The following SEC14L1 variants were observed in gnomAD, a reference collection of about 807,000 sequenced individuals.
The protein encoded by SEC14L1 is SEC14 like lipid binding 1.
In SEC14L1, 48 loss-of-function variants were observed where a neutral mutation model predicts 85.3. The ratio of observed to expected loss-of-function variants is 0.56; its 90% CI spans 0.45 to 0.72. The LOEUF is 0.72. Ranked by LOEUF, SEC14L1 falls within the 30% of genes least tolerant of loss-of-function variation. The probability of loss-of-function intolerance (pLI) is 0.00; values close to 1 mark genes in which losing one functional copy is unlikely to be tolerated. For synonymous variants in SEC14L1, 391 were observed against 355.5 expected (o/e 1.10, Z -1.12); for missense variants, 682 against 921.4 (o/e 0.74, Z 3.36).
chr17:77,207,779 G>A (rs1247203614), intron 13 of SEC14L1, among the ~76,000 whole-genome samples: 2 of 152,170 alleles, frequency 1.3e-5, no homozygotes, highest in Admixed American at 6.5e-5. Context: ...GTAAAAAAAC[G>A]AAGGGAAGTG....
At chr17:77,198,105 C>T (rs1442183075) in intron 8 of SEC14L1, among the ~76,000 whole-genome samples, 1 of 152,098 alleles carries the variant, frequency 6.6e-6, no homozygotes, top group Admixed American at 6.5e-5. Flanking sequence ...CACTAAAATG[C>T]CTTTTAATAA....
chr17:77,128,468 T>A (rs1039749443), intron 3 of SEC14L1, among the ~76,000 whole-genome samples: 1 of 143,662 alleles, frequency 7.0e-6, no homozygotes, highest in African/African-American at 2.6e-5. Context: ...ATGTTTTTTT[T>A]TTTTTTCTGA....
intron 3 of SEC14L1, among the ~76,000 whole-genome samples, chr17:77,161,989 A>T (rs1419797093): frequency 1.4e-5 from 2 of 148,034 alleles, no homozygotes; most frequent in South Asian, 4.2e-4. Context: ...AATAGATCGC[A>T]GTGAGGGAGG....
At chr17:77,130,575 G>A (rs1025288041) in intron 3 of SEC14L1, among the ~76,000 whole-genome samples, 25 of 151,774 alleles carry the variant, frequency 1.6e-4, no homozygotes, top group African/African-American at 6.1e-4. Flanking sequence ...CACCTGCCTC[G>A]ACCTCCCAAA....
chr17:77,203,335 C>A (rs1369588494), intron 9 of SEC14L1, among the ~76,000 whole-genome samples: 1 of 152,142 alleles, frequency 6.6e-6, no homozygotes, highest in African/African-American at 2.4e-5. Context: ...TTTCCAGGAC[C>A]CTGCACAGCT....
intron 3 of SEC14L1, among the ~76,000 whole-genome samples, chr17:77,159,579 C>G (rs1973966847): frequency 6.6e-6 from 1 of 151,754 alleles, no homozygotes; most frequent in African/African-American, 2.4e-5. Flanking sequence ...TGGGGTTTCA[C>G]CATATTGGCC....
At chr17:77,184,178 C>CA (rs1975167703) in intron 3 of SEC14L1, among the ~76,000 whole-genome samples, 1 of 152,202 alleles carries the variant, frequency 6.6e-6, no homozygotes, top group Non-Finnish European at 1.5e-5. Context: ...TGCATCACGC[C>CA]AGGCTCTGTG....
At chr17:77,204,669 C>T (rs1394283611) in intron 10 of SEC14L1, among the ~76,000 whole-genome samples, 1 of 151,922 alleles carries the variant, frequency 6.6e-6, no homozygotes, top group East Asian at 1.9e-4. Context: ...CCTCCCACCT[C>T]GGCCTCCTGA....
In SEC14L1 at chr17:77,181,356, G is replaced by T. The variant is rs113373869; in HGVS notation, c.64-9447G>T. 3.5e-3 allele frequency among the ~76,000 whole-genome samples: 534 copies of T among 152,318 alleles called. 1 individual carries two copies. Among genetic ancestry groups the T allele is most frequent in the African/African-American group, 0.012 (497 of 41,558 alleles). ...GATTTCTTTTTGTTAATACAGTCCAGTTGGTATTAATCACCTTCTTTCTCA... is the reference window on the plus strand; with the variant it reads ...GATTTCTTTTTGTTAATACAGTCCATTTGGTATTAATCACCTTCTTTCTCA... On this transcript the variant is annotated intron_variant, in intron 3 of 16. Coordinates refer to ENST00000436233, the MANE Select transcript of SEC14L1 (RefSeq NM_001143998.2).
At chr17:77,131,178 C>T (rs573016218) in intron 3 of SEC14L1, among the ~76,000 whole-genome samples, 5 of 152,272 alleles carry the variant, frequency 3.3e-5, no homozygotes, top group South Asian at 2.1e-4. Context: ...TACATTGGGC[C>T]GTTGTGGAAC....
At chr17:77,154,038 A>G (rs962671777) in intron 3 of SEC14L1, among the ~76,000 whole-genome samples, 1 of 152,228 alleles carries the variant, frequency 6.6e-6, no homozygotes, top group Admixed American at 6.5e-5. Context: ...GATACAACCA[A>G]CCGTGGATCA....
In SEC14L1 at chr17:77,216,524, C is replaced by G. The variant is rs775439365; in HGVS notation, c.*2501C>G. ...AGGGCCTGAAGGTGGTCCCTGCTTT[C>G]TCTTTCTCTTTCTCTGTGTCTCAGA... On this transcript the variant is annotated 3_prime_UTR_variant, in exon 17 of 17. Transcript: ENST00000436233. 1.2e-6 allele frequency: 2 copies of G among 1,612,768 alleles called. No homozygotes were observed. The highest frequency in any genetic ancestry group is 2.2e-5 in the South Asian group (2 of 91,058).
At chr17:77,095,871 C>T (rs1038661773) in intron 3 of SEC14L1, among the ~76,000 whole-genome samples, 2 of 152,016 alleles carry the variant, frequency 1.3e-5, no homozygotes, top group African/African-American at 4.8e-5. Flanking sequence ...CACTAATTCT[C>T]CTACACAGTA....
At chr17:77,191,502 G>A (rs969250856) in intron 5 of SEC14L1, among the ~76,000 whole-genome samples, 190 bp downstream of exon 5, 13 of 152,184 alleles carry the variant, frequency 8.5e-5, no homozygotes, top group South Asian at 4.1e-4. Context: ...TTATGTTGTC[G>A]TGGCAGTTAA....
rs997058015 is a variant in SEC14L1, at chr17:77,214,392, G to A, written c.*369G>A. On this transcript the variant is annotated 3_prime_UTR_variant, in exon 17 of 17. Coordinates refer to ENST00000436233, the MANE Select transcript of SEC14L1 (RefSeq NM_001143998.2). ...ATTGTCCATTAGTGAATGAATTCCT[G>A]TGACATCCTCCAGAGATGGCCCCTC... is the stretch of plus-strand genomic sequence containing the variant. 1.4e-5 allele frequency: 14 copies of A among 1,008,466 alleles called. No homozygotes were observed. The highest frequency in any genetic ancestry group is 1.7e-5 in the Non-Finnish European group (14 of 843,350). 62.5% of individuals were successfully genotyped at this position (1,008,466 alleles called of 1,614,324 possible). A position where few individuals can be genotyped will look rare whatever the true frequency, so the allele number is the denominator to read the frequency against.
At chr17:77,195,064 C>T (rs540160906) in intron 7 of SEC14L1, 153 bp downstream of exon 7, 26 of 607,074 alleles carry the variant, frequency 4.3e-5, no homozygotes, top group South Asian at 3.2e-4. Flanking sequence ...CTTGTCCTCT[C>T]GCTTATGTAA....
chr17:77,101,335 G>A (rs1479553403), intron 3 of SEC14L1, among the ~76,000 whole-genome samples: 1 of 151,920 alleles, frequency 6.6e-6, no homozygotes, highest in African/African-American at 2.4e-5. Flanking sequence ...CGCACACCAC[G>A]CCAGGCTAAT....
chr17:77,133,136 G>T (rs181802299), intron 3 of SEC14L1, among the ~76,000 whole-genome samples: 1 of 152,236 alleles, frequency 6.6e-6, no homozygotes, highest in East Asian at 1.9e-4. Context: ...CCCTCCCAAA[G>T]TGTTGAGATT....
intron 3 of SEC14L1, among the ~76,000 whole-genome samples, chr17:77,167,087 G>C (rs1028949638): frequency 6.6e-6 from 1 of 151,438 alleles, no homozygotes; most frequent in East Asian, 1.9e-4. Context: ...AGTAATGTTA[G>C]AAATTTTTCT....
Sources: gnomAD v4.1 joint callset for allele counts (sites outside exome capture counted in the v4.1 genomes callset) on GRCh38, gnomAD v4.1.1 for gene constraint, MANE v1.5 for transcripts, NCBI Gene and HGNC (gene_info 2026-07-23, HGNC 2026-07-21) for gene names.